FNDC3B: variants seen among roughly 807,000 people sequenced by gnomAD.
FNDC3B encodes fibronectin type III domain-containing protein 3B.
In FNDC3B, 12 loss-of-function variants were observed where a neutral mutation model predicts 151.5. The observed-to-expected ratio is 0.08, with a 90% confidence interval of 0.05 to 0.13. The LOEUF (loss-of-function observed/expected upper bound fraction) is 0.13, where lower values mean the gene tolerates loss of function less well. Ranked by LOEUF, FNDC3B falls within the 10% of genes least tolerant of loss-of-function variation. FNDC3B has a pLI of 1.00. For synonymous variants in FNDC3B, 528 were observed against 549.0 expected (o/e 0.96, Z 0.54); for missense variants, 1,214 against 1,505.3 (o/e 0.81, Z 3.20).
At chr3:172,332,775 G>A (rs1560083665) in intron 13 of FNDC3B, among the ~76,000 whole-genome samples, 3 of 152,048 alleles carry the variant, frequency 2.0e-5, no homozygotes. Flanking sequence ...TAAAGACCTC[G>A]GTGCAAAGGG....
At chr3:172,283,884 T>G (rs1195618246) in intron 6 of FNDC3B, among the ~76,000 whole-genome samples, 1 of 152,208 alleles carries the variant, frequency 6.6e-6, no homozygotes, top group Non-Finnish European at 1.5e-5. Flanking sequence ...TAAATGAGCT[T>G]GTGACATTGG....
At chr3:172,263,593 T>G (rs985112880) in intron 6 of FNDC3B, among the ~76,000 whole-genome samples, 2 of 104,774 alleles carry the variant, frequency 1.9e-5, no homozygotes, top group Admixed American at 1.8e-4. Context: ...AGTGTTTTTT[T>G]TTTTTTTTTT....
intron 23 of FNDC3B, among the ~76,000 whole-genome samples, chr3:172,373,706 G>A (rs1734990476): frequency 6.6e-6 from 1 of 152,212 alleles, no homozygotes; most frequent in Admixed American, 6.5e-5. Flanking sequence ...CTCCCTGAGT[G>A]GTTCTAGCCA....
chr3:172,280,140 C>T (rs1729634494), intron 6 of FNDC3B, among the ~76,000 whole-genome samples: 1 of 152,196 alleles, frequency 6.6e-6, no homozygotes, highest in Non-Finnish European at 1.5e-5. Context: ...GTCTTGAACT[C>T]CTGGGCTCAA....
intron 1 of FNDC3B, among the ~76,000 whole-genome samples, chr3:172,076,345 C>G (rs902042507): frequency 3.3e-5 from 5 of 152,330 alleles, no homozygotes; most frequent in African/African-American, 9.6e-5. Context: ...TGTCTGCATT[C>G]AGAGAGTGTA....
At chr3:172,109,762 A>C (rs1431014687) in intron 1 of FNDC3B, among the ~76,000 whole-genome samples, 2 of 152,210 alleles carry the variant, frequency 1.3e-5, no homozygotes, top group Non-Finnish European at 2.9e-5. Context: ...TATGAGGTGG[A>C]AAGTCCATCA....
chr3:172,068,244 A>T lies in FNDC3B; in HGVS notation c.-29+28473A>T, dbSNP rs1717598977. Among the ~76,000 whole-genome samples the T allele has an allele frequency of 2.6e-5, 4 of 152,182 alleles. 1 individual carries two copies. In the South Asian group the frequency reaches 8.3e-4, roughly 31 times the overall value. Reference sequence around the variant, plus strand: ...CTTTATATCCCCAGGGTCAGAGCTGATGCTCTGCCGAGTGAATGGGGAAGC... The same window carrying T: ...CTTTATATCCCCAGGGTCAGAGCTGTTGCTCTGCCGAGTGAATGGGGAAGC... On this transcript the variant is annotated intron_variant, in intron 1 of 25. Coordinates refer to ENST00000415807, the MANE Select transcript of FNDC3B (RefSeq NM_022763.4).
chr3:172,358,027 G>A (rs565274476), intron 22 of FNDC3B, among the ~76,000 whole-genome samples: 1 of 152,222 alleles, frequency 6.6e-6, no homozygotes, highest in Admixed American at 6.5e-5. Context: ...TGGTCATTTG[G>A]TAGGATTTGT....
intron 12 of FNDC3B, chr3:172,329,581 GTGTACTGTA>G (rs976137834): frequency 1.3e-5 from 2 of 152,512 alleles, no homozygotes. Context: ...GCGAGAACGG[GTGTACTGTA>G]AGGTATCAAT....
chr3:172,286,577 C>T (rs539574893), intron 7 of FNDC3B, among the ~76,000 whole-genome samples: 3 of 152,254 alleles, frequency 2.0e-5, no homozygotes, highest in Middle Eastern at 3.4e-3. Flanking sequence ...ATTGGAAAAC[C>T]TTGATTCTGC....
chr3:172,232,432 C>T (rs4243424), intron 4 of FNDC3B, among the ~76,000 whole-genome samples: 38,904 of 151,996 alleles, frequency 0.26, 5,126 homozygotes, highest in East Asian at 0.44. Context: ...ATCAACAGCA[C>T]GAGCTTTGTT....
chr3:172,088,417 C>T (rs1427913730), intron 1 of FNDC3B, among the ~76,000 whole-genome samples: 1 of 152,182 alleles, frequency 6.6e-6, no homozygotes, highest in African/African-American at 2.4e-5. Flanking sequence ...CATCTTTCCT[C>T]AGTATCATGT....
chr3:172,217,387 A>T (rs1198759306), intron 3 of FNDC3B, among the ~76,000 whole-genome samples: 1 of 152,196 alleles, frequency 6.6e-6, no homozygotes, highest in Non-Finnish European at 1.5e-5. Context: ...TGTACCATTC[A>T]TTGCTAGTCA....
At chr3:172,305,460 G>A (rs147844439) in intron 9 of FNDC3B, among the ~76,000 whole-genome samples, 273 of 152,266 alleles carry the variant, frequency 1.8e-3, no homozygotes, top group African/African-American at 6.2e-3. Context: ...GACTGCATCC[G>A]TGTTGTGTTG....
At chr3:172,325,846 CAG>C in intron 11 of FNDC3B, among the ~76,000 whole-genome samples, 1 of 152,246 alleles carries the variant, frequency 6.6e-6, no homozygotes, top group African/African-American at 2.4e-5. Flanking sequence ...ATATTAGAGA[CAG>C]AGTCTCGTTC....
chr3:172,072,750 A>T (rs1717839289), intron 1 of FNDC3B, among the ~76,000 whole-genome samples: 1 of 152,036 alleles, frequency 6.6e-6, no homozygotes, highest in Admixed American at 6.6e-5. Context: ...CAAGTGTTTA[A>T]CTCTTTATCT....
chr3:172,279,628 A>G (rs1729601501), intron 6 of FNDC3B, among the ~76,000 whole-genome samples: 1 of 152,124 alleles, frequency 6.6e-6, no homozygotes, highest in South Asian at 2.1e-4. Context: ...ATATCTCAAG[A>G]TATTTCTGGA....
chr3:172,225,141 T>C (rs1447107816), intron 3 of FNDC3B, among the ~76,000 whole-genome samples: 2 of 152,222 alleles, frequency 1.3e-5, no homozygotes, highest in Non-Finnish European at 2.9e-5. Context: ...TTCACGTCTT[T>C]TATTAACTCA....
intron 4 of FNDC3B, among the ~76,000 whole-genome samples, chr3:172,232,837 A>T (rs183565862): frequency 6.6e-6 from 1 of 152,302 alleles, no homozygotes; most frequent in Admixed American, 6.5e-5. Context: ...AAATTATTTC[A>T]CCACATATGT....
Sources: allele counts gnomAD v4.1 joint callset (sites outside exome capture counted in the v4.1 genomes callset), GRCh38; gene constraint gnomAD v4.1.1; transcripts MANE v1.5; gene names NCBI Gene and HGNC (gene_info 2026-07-23, HGNC 2026-07-21).